Variants in SIPA1L1 observed in about 807,000 individuals in gnomAD.
SIPA1L1 encodes signal-induced proliferation-associated 1-like protein 1.
SIPA1L1 carries 26 observed loss-of-function variants against 162.7 expected under a neutral mutation model. The ratio of observed to expected loss-of-function variants is 0.16; its 90% CI spans 0.12 to 0.22. The LOEUF (loss-of-function observed/expected upper bound fraction) is 0.22, where lower values mean the gene tolerates loss of function less well. SIPA1L1 is among the 10% of genes least tolerant of loss of function. The pLI is 1.00. For synonymous variants in SIPA1L1, 829 were observed against 837.4 expected (o/e 0.99, Z 0.17); for missense variants, 1,874 against 2,241.0 (o/e 0.84, Z 3.31).
At chr14:71,680,693 TAAA>T (rs929985017) in intron 12 of SIPA1L1, among the ~76,000 whole-genome samples, 2 of 151,976 alleles carry the variant, frequency 1.3e-5, no homozygotes, top group Admixed American at 6.6e-5. Flanking sequence ...GCAAGACTAA[TAAA>T]GAAGAAAAGG....
At chr14:71,590,975 G>A (rs1222491158) in intron 5 of SIPA1L1, among the ~76,000 whole-genome samples, 1 of 152,022 alleles carries the variant, frequency 6.6e-6, no homozygotes, top group Non-Finnish European at 1.5e-5. Context: ...TCTCTTAAGA[G>A]GTAAACTAAC....
At chr14:71,497,302 C>T (rs969087494) in intron 2 of SIPA1L1, among the ~76,000 whole-genome samples, 2 of 152,194 alleles carry the variant, frequency 1.3e-5, no homozygotes, top group African/African-American at 2.4e-5. Context: ...TCCTTGGCCT[C>T]CCAGAATGCT....
intron 2 of SIPA1L1, among the ~76,000 whole-genome samples, chr14:71,449,200 T>C (rs1362445055): frequency 6.6e-6 from 1 of 152,196 alleles, no homozygotes; most frequent in Non-Finnish European, 1.5e-5. Flanking sequence ...GGTTTCCTCT[T>C]TGGTTTGCCA....
At chr14:71,353,132 T>C (rs762307472) in intron 2 of SIPA1L1, among the ~76,000 whole-genome samples, 15 of 152,268 alleles carry the variant, frequency 9.9e-5, no homozygotes, top group Non-Finnish European at 1.9e-4. Context: ...CATTCATTAT[T>C]GATTTATAGA....
chr14:71,571,500 T>TA (rs950739841), intron 4 of SIPA1L1, among the ~76,000 whole-genome samples: 15 of 151,892 alleles, frequency 9.9e-5, no homozygotes, highest in East Asian at 5.8e-4. Flanking sequence ...GCATATAACA[T>TA]AAAAAAAACT....
intron 4 of SIPA1L1, among the ~76,000 whole-genome samples, chr14:71,551,584 C>T (rs1422390787): frequency 1.3e-5 from 2 of 152,194 alleles, no homozygotes; most frequent in Non-Finnish European, 2.9e-5. Flanking sequence ...CTCTGCTGAT[C>T]CCACCTTAAT....
At chr14:71,356,439 C>T (rs554368358) in intron 2 of SIPA1L1, among the ~76,000 whole-genome samples, 41 of 150,946 alleles carry the variant, frequency 2.7e-4, no homozygotes, top group South Asian at 1.0e-3. Context: ...TATTTAAAAA[C>T]GTACTTTTTG....
intron 17 of SIPA1L1, among the ~76,000 whole-genome samples, chr14:71,714,124 C>T (rs1359230300): frequency 6.6e-6 from 1 of 152,138 alleles, no homozygotes. Context: ...TAAACATTCA[C>T]GATTATGTTC....
chr14:71,485,736 C>T (rs2048702905), intron 2 of SIPA1L1, among the ~76,000 whole-genome samples: 1 of 151,932 alleles, frequency 6.6e-6, no homozygotes, highest in Non-Finnish European at 1.5e-5. Context: ...CCCTACTGCC[C>T]CCAGTGTGTG....
At chr14:71,491,834 A>C (rs978482237) in intron 2 of SIPA1L1, among the ~76,000 whole-genome samples, 1 of 107,714 alleles carries the variant, frequency 9.3e-6, no homozygotes, top group East Asian at 3.9e-4. Flanking sequence ...GCCCCCCCAC[A>C]TGAAGAGTTG....
At chr14:71,639,168 A>G (rs927462926) in intron 7 of SIPA1L1, among the ~76,000 whole-genome samples, 3 of 152,228 alleles carry the variant, frequency 2.0e-5, no homozygotes, top group Non-Finnish European at 4.4e-5. Flanking sequence ...GCGTTTTGAG[A>G]GGCCAAGGAA....
intron 4 of SIPA1L1, among the ~76,000 whole-genome samples, chr14:71,583,913 A>C (rs1319262070): frequency 1.3e-5 from 2 of 152,074 alleles, no homozygotes; most frequent in South Asian, 4.1e-4. Context: ...CCAGCCAGTA[A>C]CTTAATTATT....
chr14:71,356,478 C>CCCAGCACT (rs1260247434), intron 2 of SIPA1L1, among the ~76,000 whole-genome samples: 1 of 145,478 alleles, frequency 6.9e-6, no homozygotes, highest in Non-Finnish European at 1.5e-5. Flanking sequence ...TGCCTGTGAT[C>CCCAGCACT]CCAGCACTTT....
At chr14:71,577,210 A>G (rs2033184049) in intron 4 of SIPA1L1, among the ~76,000 whole-genome samples, 1 of 152,118 alleles carries the variant, frequency 6.6e-6, no homozygotes, top group South Asian at 2.1e-4. Flanking sequence ...CTCTCACTGT[A>G]TCCATATCCA....
chr14:71,355,335 T>G (rs2037137469), intron 2 of SIPA1L1, among the ~76,000 whole-genome samples: 2 of 152,226 alleles, frequency 1.3e-5, no homozygotes, highest in Non-Finnish European at 2.9e-5. Context: ...TAGTATTAGA[T>G]AATAGTGTCC....
chr14:71,645,435 AG>A (rs1194509465), intron 7 of SIPA1L1, among the ~76,000 whole-genome samples: 1 of 152,222 alleles, frequency 6.6e-6, no homozygotes, highest in Non-Finnish European at 1.5e-5. Flanking sequence ...AAAGACACAA[AG>A]TTCATCTTGC....
chr14:71,558,115 G>T (rs2056495031), intron 4 of SIPA1L1, among the ~76,000 whole-genome samples: 1 of 152,052 alleles, frequency 6.6e-6, no homozygotes, highest in Non-Finnish European at 1.5e-5. Context: ...TCATATGTTT[G>T]TTTATTGTCT....
intron 13 of SIPA1L1, among the ~76,000 whole-genome samples, chr14:71,694,845 A>G (rs1038121351): frequency 2.6e-4 from 40 of 152,216 alleles, no homozygotes; most frequent in African/African-American, 8.0e-4. Context: ...GTCTCTTGTG[A>G]TCTTGCTGTA....
chr14:71,692,318 G>T (rs886663119), intron 13 of SIPA1L1, among the ~76,000 whole-genome samples: 1 of 152,182 alleles, frequency 6.6e-6, no homozygotes, highest in Non-Finnish European at 1.5e-5. Context: ...CATTTTAAAA[G>T]TATATTGCTG....
Sources: allele counts gnomAD v4.1 joint callset (sites outside exome capture counted in the v4.1 genomes callset), GRCh38; gene constraint gnomAD v4.1.1; transcripts MANE v1.5; gene names NCBI Gene and HGNC (gene_info 2026-07-23, HGNC 2026-07-21).